Variants in VPS50 observed in about 807,000 individuals in gnomAD.
VPS50 encodes VPS50 subunit of EARP/GARPII complex.
Under a neutral mutation model 139.7 loss-of-function variants are expected in VPS50, and 70 were observed. The observed-to-expected ratio is 0.50, with a 90% CI of 0.41 to 0.61. The LOEUF is 0.61. Among genes scored for constraint, VPS50 ranks in the 20% least tolerant of loss-of-function variants. VPS50 has a pLI of 0.00. For synonymous variants in VPS50, 365 were observed against 376.7 expected (o/e 0.97, Z 0.36); for missense variants, 921 against 1,133.7 (o/e 0.81, Z 2.69).
In VPS50 at chr7:93,360,198, T is replaced by C. The variant is rs959600843; in HGVS notation, c.*1762T>C. 9 of 152,272 alleles carry C rather than the reference T, an allele frequency of 5.9e-5. No homozygotes were observed. The highest frequency in any genetic ancestry group is 9.6e-5 in the African/African-American group (4 of 41,568). 9.4% of individuals were successfully genotyped at this position (152,272 alleles called of 1,614,324 possible). A position where few individuals can be genotyped will look rare whatever the true frequency, so the allele number is the denominator to read the frequency against. On this transcript the variant is annotated 3_prime_UTR_variant, in exon 28 of 28. Coordinates refer to ENST00000305866, the MANE Select transcript of VPS50 (RefSeq NM_017667.4). The stretch of plus-strand genomic sequence containing the variant: ...TTTATAGTTGGTTTCCTTTAATTTC[T>C]ACTTTAGTTGGCCCTAGATAATATG...
chr7:93,268,239 A>G (rs1169499182), intron 9 of VPS50, among the ~76,000 whole-genome samples: 2 of 152,292 alleles, frequency 1.3e-5, no homozygotes, highest in African/African-American at 4.8e-5. Context: ...ATGTTGTACA[A>G]TGTTTGGTTG....
intron 18 of VPS50, 56 bp downstream of exon 18, chr7:93,306,060 C>T (rs1185459833): frequency 5.3e-6 from 7 of 1,311,708 alleles, no homozygotes; most frequent in Non-Finnish European, 7.6e-6. Context: ...CTGTTCTACT[C>T]AATGAACAAG....
chr7:93,302,133 A>G (rs188791223), intron 16 of VPS50, among the ~76,000 whole-genome samples: 1 of 152,208 alleles, frequency 6.6e-6, no homozygotes, highest in East Asian at 1.9e-4. Flanking sequence ...TTGAGTTGTC[A>G]AGTTTTCTAC....
intron 12 of VPS50, among the ~76,000 whole-genome samples, chr7:93,287,956 A>G (rs1258703291): frequency 2.0e-5 from 3 of 152,148 alleles, no homozygotes; most frequent in Non-Finnish European, 4.4e-5. Context: ...CACATCCAAG[A>G]CTGGGTCATT....
At chr7:93,316,386 A>G (rs1797430179) in intron 20 of VPS50, among the ~76,000 whole-genome samples, 1 of 152,170 alleles carries the variant, frequency 6.6e-6, no homozygotes, top group South Asian at 2.1e-4. Context: ...AAAAGTGTAA[A>G]TAAGGGATTG....
At chr7:93,312,279 A>G (rs1161678140) in intron 20 of VPS50, among the ~76,000 whole-genome samples, 1 of 152,192 alleles carries the variant, frequency 6.6e-6, no homozygotes, top group Admixed American at 6.5e-5. Context: ...TTCTTCTTCC[A>G]AGAGAACTGA....
intron 12 of VPS50, among the ~76,000 whole-genome samples, chr7:93,277,430 A>G (rs577313375): frequency 3.3e-5 from 5 of 152,188 alleles, no homozygotes; most frequent in Non-Finnish European, 7.4e-5. Flanking sequence ...TAACACTTCT[A>G]GTAAGTAGAT....
chr7:93,322,931 A>ATATT, intron 20 of VPS50, among the ~76,000 whole-genome samples: 1 of 152,274 alleles, frequency 6.6e-6, no homozygotes, highest in East Asian at 1.9e-4. Flanking sequence ...ATCTGATTAT[A>ATATT]TATTTAGAGG....
At chr7:93,297,356 T>A (rs1796841108) in intron 16 of VPS50, 113 bp downstream of exon 16, 2 of 1,163,282 alleles carry the variant, frequency 1.7e-6, no homozygotes, top group African/African-American at 3.2e-5. Flanking sequence ...TGAATTTGAA[T>A]GTGTTGTAGC....
chr7:93,252,973 A>G (rs922746395), intron 3 of VPS50, among the ~76,000 whole-genome samples, 198 bp downstream of exon 3: 2 of 152,176 alleles, frequency 1.3e-5, no homozygotes, highest in African/African-American at 2.4e-5. Flanking sequence ...TTTAAATACA[A>G]CCGTTCAGGG....
At chr7:93,245,453 T>C (rs1795120895) in intron 2 of VPS50, among the ~76,000 whole-genome samples, 1 of 151,822 alleles carries the variant, frequency 6.6e-6, no homozygotes, top group Non-Finnish European at 1.5e-5. Flanking sequence ...TCTGATGAGA[T>C]GTTCGAAAAC....
intron 2 of VPS50, among the ~76,000 whole-genome samples, chr7:93,250,233 T>C (rs1427802749): frequency 6.6e-6 from 1 of 152,184 alleles, no homozygotes; most frequent in Non-Finnish European, 1.5e-5. Context: ...AGTTTTAGAT[T>C]TGTTCTATTT....
chr7:93,348,065 C>T (rs1471894974), intron 23 of VPS50, among the ~76,000 whole-genome samples: 1 of 152,068 alleles, frequency 6.6e-6, no homozygotes, highest in Non-Finnish European at 1.5e-5. Context: ...CATATAACTT[C>T]TTTGGCATTT....
intron 21 of VPS50, among the ~76,000 whole-genome samples, chr7:93,330,612 A>T (rs1797907375): frequency 6.6e-6 from 1 of 151,608 alleles, no homozygotes; most frequent in African/African-American, 2.4e-5. Flanking sequence ...AAATTAGCCA[A>T]GTGTGGTGGC....
At chr7:93,308,118 A>AGAT (rs59549693) in intron 18 of VPS50, among the ~76,000 whole-genome samples, 2,970 of 150,304 alleles carry the variant, frequency 0.02, 39 homozygotes, top group Middle Eastern at 0.027. Flanking sequence ...TGACATTAAT[A>AGAT]GATGATGATG....
chr7:93,296,662 G>A (rs1796820388), intron 14 of VPS50, 80 bp from the exon 15 acceptor site: 1 of 1,525,464 alleles, frequency 6.6e-7, no homozygotes, highest in African/African-American at 1.4e-5. Flanking sequence ...ATTTTAATCT[G>A]GAACTATAGA....
intron 2 of VPS50, among the ~76,000 whole-genome samples, chr7:93,242,602 T>A (rs1244738254): frequency 6.6e-5 from 10 of 151,946 alleles, no homozygotes; most frequent in Admixed American, 6.6e-4. Context: ...ATTTAAGTAG[T>A]CACTGTTAAT....
At chr7:93,297,054 A>AT (rs899294180) in intron 15 of VPS50, 91 bp from the exon 16 acceptor site, 62 of 1,482,004 alleles carry the variant, frequency 4.2e-5, no homozygotes, top group Middle Eastern at 1.9e-4. Flanking sequence ...AATTTTAGTG[A>AT]TTTTTTTTAT....
At chr7:93,253,031 A>C (rs985704200) in intron 3 of VPS50, among the ~76,000 whole-genome samples, 1 of 152,222 alleles carries the variant, frequency 6.6e-6, no homozygotes, top group Non-Finnish European at 1.5e-5. Flanking sequence ...TTAATGTGTT[A>C]GTATGCTGTT....
Sources: allele counts gnomAD v4.1 joint callset (sites outside exome capture counted in the v4.1 genomes callset), GRCh38; gene constraint gnomAD v4.1.1; transcripts MANE v1.5; gene names NCBI Gene and HGNC (gene_info 2026-07-23, HGNC 2026-07-21).